SLC6A17: variants seen among roughly 807,000 people sequenced by gnomAD.
SLC6A17 encodes sodium-dependent neutral amino acid transporter SLC6A17.
Under a neutral mutation model 64.5 loss-of-function variants are expected in SLC6A17, and 21 were observed. The observed-to-expected ratio is 0.33, with a 90% CI of 0.23 to 0.47. SLC6A17 has a LOEUF of 0.47. Among genes scored for constraint, SLC6A17 ranks in the 20% least tolerant of loss-of-function variants. The pLI, the probability that SLC6A17 is intolerant of heterozygous loss-of-function variation, is 1.00. For missense variants in SLC6A17, 682 were observed against 963.2 expected, an observed-to-expected ratio of 0.71 and a Z score of 3.86; for synonymous variants, 372 against 399.5, an observed-to-expected ratio of 0.93 and a Z score of 0.82.
intron 6 of SLC6A17, chr1:110,178,078 A>C (rs1656417683): frequency 6.6e-6 from 1 of 152,228 alleles, no homozygotes; most frequent in Admixed American, 6.5e-5. Flanking sequence ...AAAAATAAAA[A>C]ACCTGGTTTC....
At chr1:110,195,144 C>T (rs1364420581) in intron 9 of SLC6A17, among the ~76,000 whole-genome samples, 1 of 152,188 alleles carries the variant, frequency 6.6e-6, no homozygotes. Flanking sequence ...GGGCTGTGTC[C>T]ACAGTTCCCT....
rs1571002146 is a variant in SLC6A17 at position 110,192,795 on chromosome 1, TA to T, written c.1299+98del. 4 of 1,302,074 alleles carry T rather than the reference TA, an allele frequency of 3.1e-6. No individual in the cohort carries two copies. Among genetic ancestry groups the T allele is most frequent in the Middle Eastern group, 2.0e-4 (1 of 5,016 alleles). 80.7% of individuals were successfully genotyped at this position (1,302,074 alleles called of 1,614,324 possible). On this transcript the variant is annotated intron_variant, in intron 8 of 11. Transcript: ENST00000331565. This position sits in a 1 kb window ranked among gnomAD's most constrained non-coding sequence, Gnocchi z 4.3. ...GCTCAGGCCTCAGGATGCTGACAGG[TA>T]GTCATTAGTTTACTTGGTAAGCAAG... is the stretch of plus-strand genomic sequence containing the variant.
At chr1:110,162,192 AG>A (rs374758973) in intron 1 of SLC6A17, among the ~76,000 whole-genome samples, 7,222 of 152,240 alleles carry the variant, frequency 0.047, 221 homozygotes, top group Non-Finnish European at 0.072. Context: ...CCAGCTACTA[AG>A]GGGGGGATAA....
At chr1:110,190,969 C>A (rs1571000611) in intron 6 of SLC6A17, among the ~76,000 whole-genome samples, 1 of 152,158 alleles carries the variant, frequency 6.6e-6, no homozygotes, top group Non-Finnish European at 1.5e-5. Flanking sequence ...GAATAGTAAT[C>A]CTTGCTTCCT....
At chr1:110,184,517 C>T (rs1448420441) in intron 6 of SLC6A17, among the ~76,000 whole-genome samples, 2 of 152,208 alleles carry the variant, frequency 1.3e-5, no homozygotes, top group Non-Finnish European at 2.9e-5. Context: ...GAGGTCGGTA[C>T]TCTCATTATC....
At chr1:110,176,398 G>A (rs913696087) in intron 5 of SLC6A17, among the ~76,000 whole-genome samples, 2 of 152,110 alleles carry the variant, frequency 1.3e-5, no homozygotes, top group African/African-American at 4.8e-5. Flanking sequence ...CTCTGGAAGG[G>A]AGAAAACCAA....
intron 1 of SLC6A17, among the ~76,000 whole-genome samples, chr1:110,164,293 A>C (rs1406216692): frequency 6.6e-6 from 1 of 152,042 alleles, no homozygotes; most frequent in Non-Finnish European, 1.5e-5. Flanking sequence ...TGTGTCCCCC[A>C]CCTCTACTGA....
At chr1:110,173,885 C>A in intron 3 of SLC6A17, 88 bp from the exon 4 acceptor site, 3 of 1,543,580 alleles carry the variant, frequency 1.9e-6, no homozygotes, top group Middle Eastern at 3.7e-4. Flanking sequence ...GTTTATGGCG[C>A]TGCCGACGTG....
intron 1 of SLC6A17, among the ~76,000 whole-genome samples, chr1:110,151,794 C>CTTT (rs201462296): frequency 6.8e-6 from 1 of 146,814 alleles, no homozygotes; most frequent in East Asian, 2.0e-4. Context: ...TTCCTCTTTC[C>CTTT]TTTTTTTTTT....
intron 10 of SLC6A17, among the ~76,000 whole-genome samples, chr1:110,196,322 C>T (rs1363365008): frequency 6.6e-6 from 1 of 152,196 alleles, no homozygotes; most frequent in Non-Finnish European, 1.5e-5. Flanking sequence ...CTCTGACTCA[C>T]TCAGCATCGA....
chr1:110,174,716 A>T (rs1656325734), intron 4 of SLC6A17, 63 bp from the exon 5 acceptor site: 1 of 1,571,716 alleles, frequency 6.4e-7, no homozygotes, highest in Non-Finnish European at 8.7e-7. Flanking sequence ...GTGGTGGTCC[A>T]GCAGAGGAAG....
chr1:110,191,812 G>A (rs766157962), intron 6 of SLC6A17, among the ~76,000 whole-genome samples, 160 bp from the exon 7 acceptor site: 1 of 152,200 alleles, frequency 6.6e-6, no homozygotes, highest in Non-Finnish European at 1.5e-5. Flanking sequence ...GGAAACTGAG[G>A]CTCAGAGGAG....
intron 2 of SLC6A17, among the ~76,000 whole-genome samples, chr1:110,167,957 T>C (rs991481198): frequency 6.6e-6 from 1 of 152,098 alleles, no homozygotes; most frequent in East Asian, 1.9e-4. Flanking sequence ...TGCTTCCGGG[T>C]AGGAGGGGCC....
At chr1:110,162,046 A>G (rs1241750411) in intron 1 of SLC6A17, among the ~76,000 whole-genome samples, 4 of 152,270 alleles carry the variant, frequency 2.6e-5, no homozygotes, top group African/African-American at 9.6e-5. Context: ...CTAAGTGACA[A>G]GCTGGCACCA....
At chr1:110,152,581 G>C (rs972494943) in intron 1 of SLC6A17, among the ~76,000 whole-genome samples, 1 of 152,182 alleles carries the variant, frequency 6.6e-6, no homozygotes, top group East Asian at 1.9e-4. Context: ...TCCTTGGGAA[G>C]GTGAGCAGGG....
At chr1:110,172,525 A>C in intron 3 of SLC6A17, 1 of 313,276 alleles carries the variant, frequency 3.2e-6, no homozygotes, top group East Asian at 7.7e-5. Flanking sequence ...CTGGGAACAT[A>C]TGGACTAGCC....
intron 9 of SLC6A17, among the ~76,000 whole-genome samples, chr1:110,195,169 G>A (rs753870913): frequency 7.2e-5 from 11 of 152,206 alleles, no homozygotes; most frequent in South Asian, 2.1e-4. Context: ...GGTTTGCTGC[G>A]TTGATCTAGG....
At chr1:110,183,485 G>A (rs781575673) in intron 6 of SLC6A17, among the ~76,000 whole-genome samples, 3 of 152,218 alleles carry the variant, frequency 2.0e-5, no homozygotes, top group Non-Finnish European at 4.4e-5. Context: ...GGGGAGACAT[G>A]GGGAATGACT....
At chr1:110,168,370 G>A (rs1040166477) in intron 2 of SLC6A17, 1 of 152,254 alleles carries the variant, frequency 6.6e-6, no homozygotes, top group African/African-American at 2.4e-5. Flanking sequence ...GCCACATTTG[G>A]CTGGGAGGCT....
Sources: gnomAD v4.1 joint callset for allele counts (sites outside exome capture counted in the v4.1 genomes callset) on GRCh38, gnomAD v4.1.1 for gene constraint, Gnocchi (gnomAD v3.1) non-coding constraint, MANE v1.5 for transcripts, NCBI Gene and HGNC (gene_info 2026-07-23, HGNC 2026-07-21) for gene names.